The following ARL15 variants were observed in gnomAD, a reference collection of about 807,000 sequenced individuals.
ARL15 encodes ADP-ribosylation factor-like protein 15.
A neutral mutation model predicts 25.2 loss-of-function variants in ARL15; 19 were observed. The observed-to-expected ratio is 0.75, with a 90% CI of 0.53 to 1.10. The LOEUF (loss-of-function observed/expected upper bound fraction) is 1.10, where lower values mean the gene tolerates loss of function less well. Among genes scored for constraint, ARL15 ranks in the 50% least tolerant of loss-of-function variants. The pLI is 0.00. For synonymous variants in ARL15, 94 were observed against 86.8 expected, an observed-to-expected ratio of 1.08 and a Z score of -0.46; for missense variants, 220 against 246.0, an observed-to-expected ratio of 0.89 and a Z score of 0.71.
chr5:53,887,661 C>A (rs760140995), intron 4 of ARL15, among the ~76,000 whole-genome samples: 5 of 152,146 alleles, frequency 3.3e-5, no homozygotes, highest in Non-Finnish European at 5.9e-5. Flanking sequence ...TATTGCCCAA[C>A]AAAGTTTTAC....
intron 2 of ARL15, among the ~76,000 whole-genome samples, chr5:54,163,400 G>A (rs1579862818): frequency 3.9e-5 from 2 of 51,734 alleles, no homozygotes; most frequent in South Asian, 1.2e-3. Flanking sequence ...TTTTTGTAAT[G>A]TCTCTGTGTG....
rs370991821 is a variant in ARL15 at position 54,078,288 on chromosome 5, A to C, written c.462+34914T>G. On this transcript the variant is annotated intron_variant, in intron 4 of 4. Coordinates refer to ENST00000504924, the MANE Select transcript of ARL15 (RefSeq NM_019087.3). ...TTAGGATATACGTTGTGCTTACTCC[A>C]CAGGCTGGTCTGAATAAAAGCAAAG... Among the ~76,000 whole-genome samples the C allele has an allele frequency of 4.6e-5, 7 of 152,288 alleles. No homozygotes were observed. In the East Asian group the frequency reaches 1.4e-3, roughly 29 times the overall value.
chr5:53,950,152 G>A (rs762715222), intron 4 of ARL15, among the ~76,000 whole-genome samples: 4 of 152,128 alleles, frequency 2.6e-5, no homozygotes, highest in Non-Finnish European at 2.9e-5. Flanking sequence ...TGGCGGCCTG[G>A]GCATGGTGGC....
intron 4 of ARL15, among the ~76,000 whole-genome samples, chr5:53,929,590 C>T (rs1405407560): frequency 1.3e-5 from 2 of 152,208 alleles, no homozygotes; most frequent in African/African-American, 4.8e-5. Context: ...AACATCAATG[C>T]CCTTCTATTA....
chr5:54,180,142 C>T (rs1024792724), intron 1 of ARL15, among the ~76,000 whole-genome samples: 1 of 151,596 alleles, frequency 6.6e-6, no homozygotes, highest in Non-Finnish European at 1.5e-5. Flanking sequence ...TAAATTATAC[C>T]TTAAAATATA....
rs572657291 is a variant in ARL15 at position 53,973,643 on chromosome 5, C to T, written c.463-86930G>A. Among the ~76,000 whole-genome samples the T allele has an allele frequency of 2.0e-5, 3 of 150,086 alleles. No homozygotes were observed. The East Asian group carries it at 5.9e-4, about 30-fold the overall frequency. ...CCTATAGTCTTTGCTACTTGGGAGG[C>T]TGAGGTGGGAGGATCACTTGAGCCT... On this transcript the variant is annotated intron_variant, in intron 4 of 4. Coordinates refer to ENST00000504924, the MANE Select transcript of ARL15 (RefSeq NM_019087.3).
intron 1 of ARL15, among the ~76,000 whole-genome samples, chr5:54,261,618 T>G (rs1375100832): frequency 2.0e-5 from 3 of 152,154 alleles, no homozygotes; most frequent in East Asian, 3.9e-4. Flanking sequence ...TGATGTAGCA[T>G]ATGTACTGAA....
intron 1 of ARL15, among the ~76,000 whole-genome samples, chr5:54,220,863 C>T (rs1337459292): frequency 6.6e-6 from 1 of 152,086 alleles, no homozygotes; most frequent in Non-Finnish European, 1.5e-5. Context: ...ATCCGCAGTG[C>T]CGACTCTCGT....
intron 4 of ARL15, among the ~76,000 whole-genome samples, chr5:54,030,482 T>C (rs1458517953): frequency 6.6e-6 from 1 of 152,144 alleles, no homozygotes; most frequent in Non-Finnish European, 1.5e-5. Flanking sequence ...TTTTGAACAC[T>C]GAAACAGAGA....
intron 1 of ARL15, among the ~76,000 whole-genome samples, chr5:54,261,502 T>A (rs1323082880): frequency 6.6e-6 from 1 of 151,810 alleles, no homozygotes; most frequent in Admixed American, 6.6e-5. Flanking sequence ...TAGTTATTTG[T>A]CAAACTGAAC....
At chr5:54,084,341 C>T (rs944354474) in intron 4 of ARL15, among the ~76,000 whole-genome samples, 5 of 148,796 alleles carry the variant, frequency 3.4e-5, no homozygotes, top group Non-Finnish European at 5.9e-5. Context: ...TTCTTGGGCT[C>T]ATCTAGTCTT....
intron 4 of ARL15, among the ~76,000 whole-genome samples, chr5:53,979,108 A>C (rs536739571): frequency 6.6e-6 from 1 of 152,318 alleles, no homozygotes; most frequent in South Asian, 2.1e-4. Flanking sequence ...CTATGCTTTC[A>C]GAACAGCACA....
chr5:53,967,838 C>T (rs1258764686), intron 4 of ARL15, among the ~76,000 whole-genome samples: 1 of 151,902 alleles, frequency 6.6e-6, no homozygotes, highest in Non-Finnish European at 1.5e-5. Flanking sequence ...CAGAGGAGGC[C>T]CACGATAAGT....
At chr5:53,894,612 T>G (rs896939868) in intron 4 of ARL15, among the ~76,000 whole-genome samples, 4 of 152,230 alleles carry the variant, frequency 2.6e-5, no homozygotes, top group African/African-American at 9.6e-5. Flanking sequence ...TGGGTGCTTC[T>G]TGTCTTCAGG....
chr5:54,012,007 C>CA (rs11293413), intron 4 of ARL15, among the ~76,000 whole-genome samples: 106 of 147,558 alleles, frequency 7.2e-4, no homozygotes, highest in African/African-American at 2.2e-3. Flanking sequence ...GACTCTGTCT[C>CA]AAAAAAAAAA....
chr5:53,889,228 A>C lies in ARL15; in HGVS notation c.463-2515T>G, dbSNP rs115362176. Among the ~76,000 whole-genome samples, 1,440 of 152,300 alleles carry C rather than the reference A, an allele frequency of 9.5e-3. 26 individuals are homozygous for C. Among genetic ancestry groups the C allele is most frequent in the African/African-American group, 0.033 (1,364 of 41,556 alleles). ...AATACGGAATTGATCCCGGTAGCAT[A>C]TTTACAGCTAATTTGAAAACAATAT... On this transcript the variant is annotated intron_variant, in intron 4 of 4. Transcript: ENST00000504924.
At chr5:54,069,921 C>T (rs1454316870) in intron 4 of ARL15, among the ~76,000 whole-genome samples, 3 of 151,458 alleles carry the variant, frequency 2.0e-5, no homozygotes, top group African/African-American at 7.3e-5. Flanking sequence ...GAGATCCACC[C>T]ACCTCGGCCT....
intron 1 of ARL15, among the ~76,000 whole-genome samples, chr5:54,182,837 T>C (rs1464243894): frequency 6.6e-6 from 1 of 151,864 alleles, no homozygotes; most frequent in Non-Finnish European, 1.5e-5. Flanking sequence ...AGCAGTGGTT[T>C]GTAGTTCTCC....
chr5:53,914,135 G>GCCCC (rs1186017888), intron 4 of ARL15, among the ~76,000 whole-genome samples: 2 of 75,486 alleles, frequency 2.6e-5, no homozygotes, highest in Non-Finnish European at 6.7e-5. Flanking sequence ...AAGTGCACAG[G>GCCCC]CCCACACACA....
Sources: gnomAD v4.1 joint callset for allele counts (sites outside exome capture counted in the v4.1 genomes callset) on GRCh38, gnomAD v4.1.1 for gene constraint, MANE v1.5 for transcripts, NCBI Gene and HGNC (gene_info 2026-07-23, HGNC 2026-07-21) for gene names.